The following KCNQ1 variants were observed in gnomAD, a reference collection of about 807,000 sequenced individuals.
The protein encoded by KCNQ1 is potassium voltage-gated channel subfamily KQT member 1.
In KCNQ1, 49 loss-of-function variants were observed where a neutral mutation model predicts 72.4. The observed-to-expected ratio is 0.68, with a 90% confidence interval of 0.54 to 0.86. The LOEUF (loss-of-function observed/expected upper bound fraction) is 0.86, where lower values mean the gene tolerates loss of function less well. KCNQ1 is among the 40% of genes least tolerant of loss of function. The probability of loss-of-function intolerance (pLI) is 0.00; values close to 1 mark genes in which losing one functional copy is unlikely to be tolerated. For synonymous variants in KCNQ1, 450 were observed against 412.6 expected (o/e 1.09, Z -1.10); for missense variants, 790 against 945.1 (o/e 0.84, Z 2.15).
chr11:2,449,782 A>T (rs562621005), intron 1 of KCNQ1, among the ~76,000 whole-genome samples: 1 of 152,228 alleles, frequency 6.6e-6, no homozygotes, highest in Non-Finnish European at 1.5e-5. Context: ...GGGTGCCGAG[A>T]ATTCCCCTCC....
At chr11:2,665,919 C>A in intron 11 of KCNQ1, 1 of 398,630 alleles carries the variant, frequency 2.5e-6, no homozygotes, top group East Asian at 3.6e-5. Flanking sequence ...CCAAGCAACC[C>A]TGGGAGGCTG....
At chr11:2,802,197 G>C (rs938896340) in intron 15 of KCNQ1, among the ~76,000 whole-genome samples, 4 of 152,224 alleles carry the variant, frequency 2.6e-5, no homozygotes, top group African/African-American at 9.6e-5. Flanking sequence ...AGCCACACCC[G>C]CCTTCTGACA....
chr11:2,500,830 C>CT (rs1846997500), intron 1 of KCNQ1, among the ~76,000 whole-genome samples: 3 of 123,398 alleles, frequency 2.4e-5, no homozygotes, highest in African/African-American at 9.6e-5. Context: ...ACAAGGAGAA[C>CT]ACATGGACAC....
At chr11:2,572,282 C>G (rs913648937) in intron 5 of KCNQ1, among the ~76,000 whole-genome samples, 173 bp downstream of exon 5, 1 of 152,190 alleles carries the variant, frequency 6.6e-6, no homozygotes, top group African/African-American at 2.4e-5. Context: ...CAAGCTTGAG[C>G]CCAGCCTGGA....
rs73404698 is a variant in KCNQ1, at chr11:2,587,940, G to A, written c.1251+248G>A. Among the ~76,000 whole-genome samples the A allele has an allele frequency of 0.055, 8,439 of 152,190 alleles. 763 individuals are homozygous for A. The highest frequency in any genetic ancestry group is 0.19 in the African/African-American group (7,940 of 41,474). ...CCAGGGCATGAGAGCTCCAGAGATA[G>A]AGCTCTGGGAGCAGGACGGGCTGGA... On this transcript the variant is annotated intron_variant, in intron 9 of 15. Transcript: ENST00000155840.
chr11:2,665,027 G>C (rs1461595490), intron 11 of KCNQ1: 35 of 398,624 alleles, frequency 8.8e-5, no homozygotes, highest in Non-Finnish European at 1.3e-5. Flanking sequence ...AGGTGGGGTG[G>C]GGGGTGAGCA....
rs1020198545 is a variant in KCNQ1 at position 2,559,595 on chromosome 11, A to G, written c.478-11033A>G. Among the ~76,000 whole-genome samples, 2 of 152,198 alleles carry G rather than the reference A, an allele frequency of 1.3e-5. No individual in the cohort carries two copies. The highest frequency in any genetic ancestry group is 2.9e-5 in the Non-Finnish European group (2 of 68,032). ...CCGGTGGATGGGAACGGCCATCCCC[A>G]TGACGACCCAGCAAGTCCCTTGCCT... On this transcript the variant is annotated intron_variant, in intron 2 of 15. Coordinates refer to ENST00000155840, the MANE Select transcript of KCNQ1 (RefSeq NM_000218.3). The surrounding 1 kb of genome is among the most constrained non-coding windows in gnomAD (Gnocchi z 4.9).
chr11:2,811,899 A>T (rs540969708), intron 15 of KCNQ1, among the ~76,000 whole-genome samples: 2 of 152,284 alleles, frequency 1.3e-5, no homozygotes, highest in Admixed American at 6.5e-5. Flanking sequence ...TGAGCTCCCG[A>T]GTGCCCGCCG....
chr11:2,564,772 C>G lies in KCNQ1; in HGVS notation c.478-5856C>G, dbSNP rs1390125330. Among the ~76,000 whole-genome samples the G allele has an allele frequency of 6.6e-6, 1 of 152,224 alleles. No individual in the cohort carries two copies. The highest frequency in any genetic ancestry group is 1.5e-5 in the Non-Finnish European group (1 of 68,046). Reference sequence around the variant, plus strand: ...CCCTTCCCCAGCCCCTGGCGCCCATCATCTACTTTCTACCTCTGTGAATCT... The same window carrying G: ...CCCTTCCCCAGCCCCTGGCGCCCATGATCTACTTTCTACCTCTGTGAATCT... On this transcript the variant is annotated intron_variant, in intron 2 of 15. Coordinates refer to ENST00000155840, the MANE Select transcript of KCNQ1 (RefSeq NM_000218.3). The surrounding 1 kb of genome is among the most constrained non-coding windows in gnomAD (Gnocchi z 4.5).
intron 1 of KCNQ1, among the ~76,000 whole-genome samples, chr11:2,476,779 C>T (rs1438161484): frequency 2.0e-5 from 3 of 152,140 alleles, no homozygotes; most frequent in African/African-American, 7.2e-5. Flanking sequence ...GTCTACCTCC[C>T]GGGTTCAAGC....
At position 2,608,080 on chromosome 11, in the gene KCNQ1, T is replaced by G. The variant is rs941493348; in HGVS notation, c.1393+19226T>G. Among the ~76,000 whole-genome samples the G allele has an allele frequency of 6.6e-6, 1 of 152,198 alleles. No individual in the cohort carries two copies. The highest frequency in any genetic ancestry group is 1.5e-5 in the Non-Finnish European group (1 of 68,036). ...AATGGGTAAAATAAATTTTATAAGTTCTCTTTTCATGTTTTTGTCTGGTTT... is the reference window on the plus strand; with the variant it reads ...AATGGGTAAAATAAATTTTATAAGTGCTCTTTTCATGTTTTTGTCTGGTTT... On this transcript the variant is annotated intron_variant, in intron 10 of 15. Coordinates refer to ENST00000155840, the MANE Select transcript of KCNQ1 (RefSeq NM_000218.3). The surrounding 1 kb of genome is among the most constrained non-coding windows in gnomAD (Gnocchi z 4.6).
intron 2 of KCNQ1, among the ~76,000 whole-genome samples, chr11:2,540,918 G>T (rs898300066): frequency 6.6e-6 from 1 of 152,216 alleles, no homozygotes; most frequent in Non-Finnish European, 1.5e-5. Context: ...TGAAGTCGGG[G>T]GTTGAAAAAC....
intron 12 of KCNQ1, among the ~76,000 whole-genome samples, chr11:2,774,458 C>T (rs960896670): frequency 6.6e-6 from 1 of 152,220 alleles, no homozygotes; most frequent in Non-Finnish European, 1.5e-5. Flanking sequence ...CCGTTCAGGG[C>T]CCAGAGAGTG....
intron 11 of KCNQ1, among the ~76,000 whole-genome samples, chr11:2,742,082 C>T (rs1175536792): frequency 2.0e-5 from 3 of 152,260 alleles, no homozygotes; most frequent in African/African-American, 7.2e-5. Flanking sequence ...GTTAGGTTTT[C>T]TCCACATTAG....
intron 1 of KCNQ1, among the ~76,000 whole-genome samples, chr11:2,448,690 A>G (rs1329842838): frequency 1.3e-5 from 2 of 152,008 alleles, no homozygotes; most frequent in Admixed American, 6.6e-5. Flanking sequence ...AGATCTGTCC[A>G]CCCACTCCTC....
At position 2,588,917 on chromosome 11, in the gene KCNQ1, C is replaced by G. The variant is rs534327932; in HGVS notation, c.1393+63C>G. Reference sequence around the variant, plus strand: ...GGAAGGTCACTGCCTTTTTTGGGAGCCCGAGCAAGCCAGTGAGTTTCTCCC... The same window carrying G: ...GGAAGGTCACTGCCTTTTTTGGGAGGCCGAGCAAGCCAGTGAGTTTCTCCC... On this transcript the variant is annotated intron_variant, in intron 10 of 15. Coordinates refer to ENST00000155840, the MANE Select transcript of KCNQ1 (RefSeq NM_000218.3). This position sits in a 1 kb window ranked among gnomAD's most constrained non-coding sequence, Gnocchi z 5.6. 16 of 1,574,318 alleles carry G rather than the reference C, an allele frequency of 1.0e-5. No homozygotes were observed. The Admixed American group carries it at 1.7e-4, about 17-fold the overall frequency.
chr11:2,837,469 G>A (rs1186618473), intron 15 of KCNQ1, among the ~76,000 whole-genome samples: 1 of 152,216 alleles, frequency 6.6e-6, no homozygotes, highest in East Asian at 1.9e-4. Flanking sequence ...AGACTCCCCG[G>A]CCCCTCCCTG....
intron 11 of KCNQ1, among the ~76,000 whole-genome samples, chr11:2,717,976 C>T (rs1187457554): frequency 6.6e-6 from 1 of 152,246 alleles, no homozygotes; most frequent in East Asian, 1.9e-4. Context: ...TCCTTGGTTT[C>T]TGAAGGCTGC....
rs1361683375 is a variant in KCNQ1 at position 2,478,020 on chromosome 11, A to G, written c.386+32536A>G. Among the ~76,000 whole-genome samples, 1 of 152,170 alleles carries G rather than the reference A, an allele frequency of 6.6e-6. No homozygotes were observed. Among genetic ancestry groups the G allele is most frequent in the Non-Finnish European group, 1.5e-5 (1 of 68,034 alleles). ...GAAAAAGAATCACTTTCTAGAGGCAAAGCTGGCGACACCACCCGAGCCAAG... is the reference window on the plus strand; with the variant it reads ...GAAAAAGAATCACTTTCTAGAGGCAGAGCTGGCGACACCACCCGAGCCAAG... On this transcript the variant is annotated intron_variant, in intron 1 of 15. Coordinates refer to ENST00000155840, the MANE Select transcript of KCNQ1 (RefSeq NM_000218.3). The surrounding 1 kb of genome is among the most constrained non-coding windows in gnomAD (Gnocchi z 4.0).
Sources: allele counts gnomAD v4.1 joint callset (sites outside exome capture counted in the v4.1 genomes callset), GRCh38; gene constraint gnomAD v4.1.1; non-coding constraint Gnocchi (gnomAD v3.1); transcripts MANE v1.5; gene names NCBI Gene and HGNC (gene_info 2026-07-23, HGNC 2026-07-21).